Variants in SGSM1 observed in about 807,000 individuals in gnomAD.
SGSM1 encodes RUN and TBC1 domain containing 2.
In SGSM1, 73 loss-of-function variants were observed where a neutral mutation model predicts 133.8. The observed-to-expected ratio is 0.55, with a 90% CI of 0.45 to 0.66. The LOEUF (loss-of-function observed/expected upper bound fraction) is 0.66, where lower values mean the gene tolerates loss of function less well. Among genes scored for constraint, SGSM1 ranks in the 30% least tolerant of loss-of-function variants. The pLI is 0.00. For synonymous variants in SGSM1, 563 were observed against 573.0 expected (o/e 0.98, Z 0.25); for missense variants, 1,213 against 1,448.1 (o/e 0.84, Z 2.64).
chr22:24,819,171 C>A (rs1928321562), intron 2 of SGSM1, among the ~76,000 whole-genome samples: 1 of 151,068 alleles, frequency 6.6e-6, no homozygotes, highest in Non-Finnish European at 1.5e-5. Context: ...ATAATCACAA[C>A]CCCAGTAATA....
At chr22:24,913,606 AGC>A (rs922761587) in intron 22 of SGSM1, among the ~76,000 whole-genome samples, 4 of 152,252 alleles carry the variant, frequency 2.6e-5, no homozygotes, top group African/African-American at 9.6e-5. Context: ...GGCTACAGTT[AGC>A]TCTGACTTCT....
intron 2 of SGSM1, among the ~76,000 whole-genome samples, chr22:24,828,863 G>A (rs1207774395): frequency 6.6e-6 from 1 of 152,138 alleles, no homozygotes; most frequent in Admixed American, 6.5e-5. Context: ...AGAAAATGTG[G>A]TACGTATGCA....
At chr22:24,848,661 T>A (rs139666) in intron 4 of SGSM1, among the ~76,000 whole-genome samples, 29,953 of 152,276 alleles carry the variant, frequency 0.2, 3,063 homozygotes, top group Middle Eastern at 0.29. Flanking sequence ...TCGGTGCTGG[T>A]GGCTTCCCAG....
chr22:24,886,505 AC>A, intron 15 of SGSM1, 94 bp from the exon 16 acceptor site: 1 of 1,463,296 alleles, frequency 6.8e-7, no homozygotes, highest in Admixed American at 2.1e-5. Context: ...GGAGTTCAAG[AC>A]CAATCTGGCC....
intron 8 of SGSM1, 115 bp downstream of exon 8, chr22:24,855,795 C>G (rs1784130080): frequency 6.8e-7 from 1 of 1,480,586 alleles, no homozygotes. Context: ...TGCACTCACC[C>G]ATGCACACAT....
chr22:24,827,528 C>A lies in SGSM1; in HGVS notation c.64-17369C>A, dbSNP rs188019336. Reference sequence around the variant, plus strand: ...GGCCAGCTAGGTCCTGACTAGCCAGCAGGTGGGAAGCCCAGGGAAGGCGGC... The same window carrying A: ...GGCCAGCTAGGTCCTGACTAGCCAGAAGGTGGGAAGCCCAGGGAAGGCGGC... On this transcript the variant is annotated intron_variant, in intron 2 of 24. Transcript: ENST00000400358. Among the ~76,000 whole-genome samples, 892 of 152,090 alleles carry A rather than the reference C, an allele frequency of 5.9e-3. 9 individuals are homozygous for A. Among genetic ancestry groups the A allele is most frequent in the African/African-American group, 0.02 (814 of 41,484 alleles).
rs201605001 is a variant in SGSM1, at chr22:24,850,440, G to A, written c.455+8G>A. 3.7e-6 allele frequency: 6 copies of A among 1,613,590 alleles called. No individual in the cohort carries two copies. The highest frequency in any genetic ancestry group is 5.1e-6 in the Non-Finnish European group (6 of 1,179,650). ...CCTTGTGGAAAACAGCAGGTGAGAG[G>A]GAAAGACCTGACACCTGGCCATGCT... On this transcript the variant is annotated splice_region_variant and intron_variant, in intron 5 of 24. Transcript: ENST00000400358.
In SGSM1 at chr22:24,855,013, A is replaced by G; in HGVS notation, c.473A>G (p.Glu158Gly). 6.2e-7 allele frequency: 1 copy of G among 1,613,470 alleles called. No homozygotes were observed. The highest frequency in any genetic ancestry group is 8.5e-7 in the Non-Finnish European group (1 of 1,179,760). The change falls in exon 6 of 25, where the codon GAA (glutamate) becomes GGA (glycine). Residue 158 changes from glutamate (E) to glycine (G), a missense_variant. Transcript: ENST00000400358. ...VENSSKYYEK[E>G]ALLMDPVDGP... Reference sequence around the variant, plus strand: ...CTTGCTAGTAAATACTATGAGAAGGAAGCTCTCCTGATGGACCCTGTGGAC... The same window carrying G: ...CTTGCTAGTAAATACTATGAGAAGGGAGCTCTCCTGATGGACCCTGTGGAC...
At chr22:24,809,352 G>T (rs996976762) in intron 2 of SGSM1, among the ~76,000 whole-genome samples, 1 of 152,190 alleles carries the variant, frequency 6.6e-6, no homozygotes, top group Non-Finnish European at 1.5e-5. Flanking sequence ...AGACTGCATT[G>T]TATGTACACA....
At chr22:24,843,288 G>A (rs1929912637) in intron 2 of SGSM1, among the ~76,000 whole-genome samples, 1 of 152,094 alleles carries the variant, frequency 6.6e-6, no homozygotes, top group African/African-American at 2.4e-5. Flanking sequence ...TGGGGGTGGT[G>A]AGCCAGCTCT....
intron 14 of SGSM1, 56 bp from the exon 15 acceptor site, chr22:24,883,997 C>A: frequency 6.7e-7 from 1 of 1,501,538 alleles, no homozygotes; most frequent in Non-Finnish European, 8.9e-7. Flanking sequence ...TCCCATGAGA[C>A]AAGGTGAGGG....
chr22:24,886,103 G>A (rs571387005), intron 15 of SGSM1, among the ~76,000 whole-genome samples: 31 of 152,248 alleles, frequency 2.0e-4, no homozygotes, highest in African/African-American at 3.6e-4. Flanking sequence ...GTGGCCAGGC[G>A]CAGTGGCTCA....
intron 12 of SGSM1, 122 bp from the exon 13 acceptor site, chr22:24,876,455 G>C: frequency 7.9e-7 from 1 of 1,268,718 alleles, no homozygotes; most frequent in Non-Finnish European, 1.1e-6. Flanking sequence ...GTCATCTTCA[G>C]GGTCTTTTCC....
At chr22:24,812,159 G>T (rs1444223138) in intron 2 of SGSM1, among the ~76,000 whole-genome samples, 2 of 135,936 alleles carry the variant, frequency 1.5e-5, no homozygotes, top group African/African-American at 5.6e-5. Flanking sequence ...GACAAAGCAA[G>T]ACTCCGTCTC....
intron 2 of SGSM1, among the ~76,000 whole-genome samples, chr22:24,836,430 CTT>C: frequency 1.3e-5 from 2 of 152,280 alleles, no homozygotes; most frequent in South Asian, 4.1e-4. Flanking sequence ...ACAAATATGA[CTT>C]TGAGACTCTG....
At chr22:24,807,862 C>T (rs1399386654) in intron 2 of SGSM1, among the ~76,000 whole-genome samples, 3 of 144,174 alleles carry the variant, frequency 2.1e-5, no homozygotes, top group Non-Finnish European at 4.6e-5. Context: ...GCTCCTCCGT[C>T]CTCCGGGAGC....
intron 6 of SGSM1, 50 bp from the exon 7 acceptor site, chr22:24,855,235 C>T (rs757430860): frequency 2.2e-5 from 34 of 1,577,416 alleles, no homozygotes; most frequent in Admixed American, 9.2e-5. Context: ...GGTAGACATG[C>T]GGGAGGACTT....
chr22:24,852,260 T>A (rs575333651), intron 5 of SGSM1, among the ~76,000 whole-genome samples: 55 of 152,244 alleles, frequency 3.6e-4, no homozygotes, highest in African/African-American at 1.3e-3. Context: ...TTTCATCAAT[T>A]TTTATATTTA....
In SGSM1 at chr22:24,855,437, G is replaced by A. The variant is rs750499417; in HGVS notation, c.669+7G>A. The A allele has an allele frequency of 5.6e-6, 9 of 1,613,276 alleles. No homozygotes were observed. The highest frequency in any genetic ancestry group is 6.8e-6 in the Non-Finnish European group (8 of 1,179,756). On this transcript the variant is annotated splice_region_variant and intron_variant, in intron 7 of 24. Coordinates refer to ENST00000400358, the MANE Select transcript of SGSM1 (RefSeq NM_001098497.3). Reference sequence around the variant, plus strand: ...CAAGCGTCCTGCCCTCTGTGTGAGTGGGGTGGACAGTGGGGCAGTGGGAGG... The same window carrying A: ...CAAGCGTCCTGCCCTCTGTGTGAGTAGGGTGGACAGTGGGGCAGTGGGAGG...
Sources: allele counts gnomAD v4.1 joint callset (sites outside exome capture counted in the v4.1 genomes callset), GRCh38; gene constraint gnomAD v4.1.1; transcripts MANE v1.5; gene names NCBI Gene and HGNC (gene_info 2026-07-23, HGNC 2026-07-21).